Variants in DGKZ observed in about 807,000 individuals in gnomAD.
The protein encoded by DGKZ is DAG kinase zeta.
Under a neutral mutation model 142.5 loss-of-function variants are expected in DGKZ, and 45 were observed. That is an observed-to-expected ratio of 0.32 (90% CI 0.25 to 0.40). The LOEUF is 0.40. Among genes scored for constraint, DGKZ ranks in the 10% least tolerant of loss-of-function variants. The pLI, the probability that DGKZ is intolerant of heterozygous loss-of-function variation, is 1.00. For missense variants in DGKZ, 755 were observed against 1,306.5 expected (o/e 0.58, Z 6.51); for synonymous variants, 442 against 527.0 (o/e 0.84, Z 2.21).
At chr11:46,341,900 G>A (rs1463278801) in intron 1 of DGKZ, among the ~76,000 whole-genome samples, 2 of 152,180 alleles carry the variant, frequency 1.3e-5, no homozygotes, top group African/African-American at 2.4e-5. Flanking sequence ...TGCAGGGAAA[G>A]CCTGGACAAA....
At chr11:46,378,951 G>T in intron 27 of DGKZ, 40 bp from the exon 28 acceptor site, 1 of 1,504,902 alleles carries the variant, frequency 6.6e-7, no homozygotes, top group Non-Finnish European at 8.8e-7. Context: ...AGGAGGGGTG[G>T]CCCCAGGAGG....
At chr11:46,335,284 A>G (rs895026552) in intron 1 of DGKZ, among the ~76,000 whole-genome samples, 2 of 151,474 alleles carry the variant, frequency 1.3e-5, no homozygotes, top group African/African-American at 2.4e-5. Flanking sequence ...ACTGTACTCT[A>G]GCCTGGCGAC....
exon 20 of DGKZ, chr11:46,375,496 C>G: frequency 6.3e-7 from 1 of 1,590,120 alleles, no homozygotes; most frequent in Non-Finnish European, 8.5e-7. Context: ...GTGCTCACCA[C>G]ATCCAAGGCC....
At chr11:46,352,318 C>T (rs1039898559) in intron 1 of DGKZ, among the ~76,000 whole-genome samples, 2 of 152,366 alleles carry the variant, frequency 1.3e-5, no homozygotes, top group South Asian at 4.1e-4. Flanking sequence ...GCGACAGCTG[C>T]CGTTGTGGGA....
At position 46,367,080 on chromosome 11, in the gene DGKZ, C is replaced by T; in HGVS notation, c.162-211C>T. 1 of 1,385,520 alleles carries T rather than the reference C, an allele frequency of 7.2e-7. No homozygotes were observed. Among genetic ancestry groups the T allele is most frequent in the Non-Finnish European group, 9.7e-7 (1 of 1,031,796 alleles). The allele number at this position is 1,385,520 out of a possible 1,614,324, so 85.8% of individuals were successfully genotyped here. A position where few individuals can be genotyped will look rare whatever the true frequency, so the allele number is the denominator to read the frequency against. On this transcript the variant is annotated intron_variant, in intron 1 of 30. Coordinates refer to ENST00000527911, the Ensembl canonical transcript of DGKZ. This position sits in a 1 kb window ranked among gnomAD's most constrained non-coding sequence, Gnocchi z 4.1. Reference sequence around the variant, plus strand: ...AAGCTCTGCCTGGCTGAGGGTTCCCCACTTGGGAACACTCTGGGCAGTACC... The same window carrying T: ...AAGCTCTGCCTGGCTGAGGGTTCCCTACTTGGGAACACTCTGGGCAGTACC...
intron 1 of DGKZ, among the ~76,000 whole-genome samples, chr11:46,354,903 T>C (rs1373431296): frequency 6.6e-6 from 1 of 152,174 alleles, no homozygotes; most frequent in Non-Finnish European, 1.5e-5. Context: ...CACGTCCGAT[T>C]CCATTGTGTA....
At chr11:46,333,274 C>A in exon 1 of DGKZ, 6 of 1,252,042 alleles carry the variant, frequency 4.8e-6, no homozygotes, top group Non-Finnish European at 6.0e-6. Flanking sequence ...GGCGGCCGCA[C>A]GATGGCCGAG....
In DGKZ at chr11:46,372,203, C is replaced by A; in HGVS notation, c.927+33C>A. 6.4e-7 allele frequency: 1 copy of A among 1,552,374 alleles called. No individual in the cohort carries two copies. The highest frequency in any genetic ancestry group is 8.7e-7 in the Non-Finnish European group (1 of 1,143,892). On this transcript the variant is annotated intron_variant, in intron 10 of 30. Coordinates refer to ENST00000527911, the Ensembl canonical transcript of DGKZ. This position sits in a 1 kb window ranked among gnomAD's most constrained non-coding sequence, Gnocchi z 5.9. ...CGGCCTTGCCTCTCAGCTAAGGGCT[C>A]GGGCGGGGGTTGGGGTCCAGCCCGT... is the stretch of plus-strand genomic sequence containing the variant.
intron 27 of DGKZ, 50 bp from the exon 28 acceptor site, chr11:46,378,941 A>G (rs747962381): frequency 1.3e-6 from 2 of 1,503,728 alleles, no homozygotes; most frequent in Non-Finnish European, 1.8e-6. Context: ...AGCTCAGGGA[A>G]GGAGGGGTGG....
At chr11:46,379,270 C>T (rs1944936619) in intron 29 of DGKZ, 34 bp downstream of exon 29, 1 of 1,612,554 alleles carries the variant, frequency 6.2e-7, no homozygotes, top group Non-Finnish European at 8.5e-7. Flanking sequence ...CCGTGGTCAC[C>T]CCGGAAACCA....
Position 46,372,200 on chromosome 11 carries a change from G to A in DGKZ, c.927+30G>A, listed in dbSNP as rs370587480. 2.1e-5 allele frequency: 33 copies of A among 1,558,472 alleles called. No individual in the cohort carries two copies. The African/African-American group carries it at 4.2e-4, about 20-fold the overall frequency. The stretch of plus-strand genomic sequence containing the variant: ...ACGCGGCCTTGCCTCTCAGCTAAGG[G>A]CTCGGGCGGGGGTTGGGGTCCAGCC... On this transcript the variant is annotated intron_variant, in intron 10 of 30. Coordinates refer to ENST00000527911, the Ensembl canonical transcript of DGKZ. This position sits in a 1 kb window ranked among gnomAD's most constrained non-coding sequence, Gnocchi z 5.9.
chr11:46,373,178 G>C, intron 14 of DGKZ, 77 bp downstream of exon 14: 1 of 1,463,434 alleles, frequency 6.8e-7, no homozygotes, highest in Non-Finnish European at 9.1e-7. Flanking sequence ...GCTGGTTCTG[G>C]GACCTCGGGC....
chr11:46,354,555 G>A lies in DGKZ; in HGVS notation c.161+6735G>A, dbSNP rs116499803. Among the ~76,000 whole-genome samples the A allele has an allele frequency of 4.4e-3, 677 of 152,298 alleles. 4 individuals carry two copies. The highest frequency in any genetic ancestry group is 0.015 in the African/African-American group (617 of 41,560). ...TTCTAAACACATTAAATATCTTGGC[G>A]TTAGAAAAGTGTGCAGAATAAGGTG... On this transcript the variant is annotated intron_variant, in intron 1 of 30. Transcript: ENST00000527911.
chr11:46,369,378 T>G, intron 4 of DGKZ, 116 bp from the exon 5 acceptor site: 14 of 1,249,972 alleles, frequency 1.1e-5, no homozygotes, highest in Middle Eastern at 1.9e-4. Context: ...CTCGTGACGA[T>G]TTGGGGGTAT....
Position 46,379,538 on chromosome 11 carries a change from CG to C in DGKZ, c.2662del (p.Ala888ProfsTer4). On this transcript the variant is annotated frameshift_variant, in exon 30 of 31. Transcript: ENST00000527911. LOFTEE classifies it high-confidence loss of function. ...CCATCTGCCACTACATCGTGGAGGC[CG>C]GGGCCTCGCTCATGAAGACAGACCA... is the stretch of plus-strand genomic sequence containing the variant. 1 of 1,611,082 alleles carries C rather than the reference CG, an allele frequency of 6.2e-7. No homozygotes were observed. The highest frequency in any genetic ancestry group is 8.5e-7 in the Non-Finnish European group (1 of 1,179,316).
intron 1 of DGKZ, among the ~76,000 whole-genome samples, chr11:46,356,690 C>T (rs916807430): frequency 2.0e-5 from 3 of 152,134 alleles, no homozygotes; most frequent in Middle Eastern, 3.4e-3. Context: ...CCTGAGGGGT[C>T]GAGGGTATGT....
chr11:46,375,492 A>G, exon 20 of DGKZ: 4 of 1,589,554 alleles, frequency 2.5e-6, no homozygotes, highest in Non-Finnish European at 3.4e-6. Flanking sequence ...GGTGGTGCTC[A>G]CCACATCCAA....
intron 9 of DGKZ, 118 bp downstream of exon 9, chr11:46,371,893 TG>T: frequency 7.5e-7 from 1 of 1,339,946 alleles, no homozygotes; most frequent in Non-Finnish European, 1.0e-6. Context: ...GTGTGGGCTC[TG>T]GGGCCTCTGA....
At chr11:46,350,921 C>A (rs1334453853) in intron 1 of DGKZ, among the ~76,000 whole-genome samples, 1 of 151,050 alleles carries the variant, frequency 6.6e-6, no homozygotes, top group Non-Finnish European at 1.5e-5. Flanking sequence ...CCCACCCCAA[C>A]TGCATCCCAC....
Sources: allele counts gnomAD v4.1 joint callset (sites outside exome capture counted in the v4.1 genomes callset), GRCh38; gene constraint gnomAD v4.1.1; non-coding constraint Gnocchi (gnomAD v3.1); transcripts MANE v1.5; gene names NCBI Gene and HGNC (gene_info 2026-07-23, HGNC 2026-07-21).